The following MRPL54 variants were observed in gnomAD, a reference collection of about 807,000 sequenced individuals.
MRPL54 encodes mitochondrial ribosomal protein L54.
In MRPL54, 12 loss-of-function variants were observed where a neutral mutation model predicts 15.6. That is an observed-to-expected ratio of 0.77 (90% CI 0.49 to 1.24). MRPL54 has a LOEUF of 1.24. Among genes scored for constraint, MRPL54 ranks in the 50% most tolerant of loss-of-function variants. MRPL54 has a pLI of 0.00. For synonymous variants in MRPL54, 91 were observed against 75.7 expected (o/e 1.20, Z -1.05); for missense variants, 178 against 186.8 (o/e 0.95, Z 0.28).
chr19:3,763,911 C>T (rs1172074396), intron 1 of MRPL54, among the ~76,000 whole-genome samples: 1 of 149,318 alleles, frequency 6.7e-6, no homozygotes, highest in African/African-American at 2.5e-5. Context: ...GACTCTGTCT[C>T]AAAATAAATA....
chr19:3,763,843 C>T (rs1394511144), intron 1 of MRPL54, among the ~76,000 whole-genome samples: 3 of 151,444 alleles, frequency 2.0e-5, no homozygotes, highest in Admixed American at 6.6e-5. Flanking sequence ...ACCCAGGAGG[C>T]GGAGGTTGCA....
At chr19:3,766,015 G>A (rs1183557021) in intron 2 of MRPL54, among the ~76,000 whole-genome samples, 2 of 151,450 alleles carry the variant, frequency 1.3e-5, no homozygotes, top group East Asian at 1.9e-4. Context: ...GGGTTCAAGC[G>A]GTTCTCCTGC....
chr19:3,765,227 C>A lies in MRPL54; in HGVS notation c.180C>A (p.Asp60Glu), dbSNP rs755484715. The A allele has an allele frequency of 2.5e-6, 4 of 1,613,884 alleles. No individual in the cohort carries two copies. The highest frequency in any genetic ancestry group is 3.4e-6 in the Non-Finnish European group (4 of 1,179,944). Residue 60 changes from aspartate (D) to glutamate (E), a missense_variant, in exon 2 of 3, where the codon GAC (aspartate) becomes GAA (glutamate). Transcript: ENST00000330133. ...AVTSEALKDPDVCTDPVQLTT... is the reference protein window; with the variant it reads ...AVTSEALKDPEVCTDPVQLTT... ...CCAGCGAGGCCCTCAAGGACCCCGA[C>A]GTATGCACAGATCCTGTCCAGCTCA...
intron 1 of MRPL54, among the ~76,000 whole-genome samples, chr19:3,764,686 G>A (rs534981851): frequency 2.0e-5 from 3 of 151,262 alleles, no homozygotes; most frequent in South Asian, 4.2e-4. Flanking sequence ...AGAGTGCTGG[G>A]ATTACAGGCA....
At chr19:3,765,094 G>A in intron 1 of MRPL54, 72 bp from the exon 2 acceptor site, 2 of 1,505,428 alleles carry the variant, frequency 1.3e-6, no homozygotes, top group South Asian at 2.5e-5. Flanking sequence ...ACCTGAGACA[G>A]GGTTCTGTGA....
rs1489492158 is a variant in MRPL54, at chr19:3,767,419, C to T, written c.*26C>T. ...CATGGAGGGCCCGGCATCGCTGACC[C>T]CCACGCCGAGGGCTTGCCGTTTTCC... On this transcript the variant is annotated 3_prime_UTR_variant, in exon 3 of 3. Coordinates refer to ENST00000330133, the MANE Select transcript of MRPL54 (RefSeq NM_172251.3). 11 of 1,601,606 alleles carry T rather than the reference C, an allele frequency of 6.9e-6. No individual in the cohort carries two copies. The highest frequency in any genetic ancestry group is 2.3e-5 in the East Asian group (1 of 43,810).
intron 1 of MRPL54, 93 bp from the exon 2 acceptor site, chr19:3,765,073 G>C: frequency 1.5e-6 from 2 of 1,351,796 alleles, no homozygotes; most frequent in South Asian, 2.9e-5. Context: ...GTCCAGCCAG[G>C]GGCAGAGGCC....
intron 1 of MRPL54, among the ~76,000 whole-genome samples, chr19:3,764,502 G>T (rs1599181342): frequency 6.6e-6 from 1 of 151,648 alleles, no homozygotes; most frequent in Non-Finnish European, 1.5e-5. Context: ...CCGCCTCCCG[G>T]GTTCAAGTGA....
chr19:3,763,912 AAAATAAAT>A (rs1478772489), intron 1 of MRPL54, among the ~76,000 whole-genome samples: 1 of 150,006 alleles, frequency 6.7e-6, no homozygotes, highest in Non-Finnish European at 1.5e-5. Flanking sequence ...ACTCTGTCTC[AAAATAAAT>A]AAATAAATAA....
In MRPL54 at chr19:3,762,752, G is replaced by A. The variant is rs200308520; in HGVS notation, c.52G>A (p.Ala18Thr). The change falls in exon 1 of 3, where the codon GCC becomes ACC. Residue 18 changes from alanine to threonine, a missense_variant. Coordinates refer to ENST00000330133, the MANE Select transcript of MRPL54 (RefSeq NM_172251.3). ...TACCCGGACGTGGGCCGGCTGGGGG[G>A]CCTGGGAGCTCCTAAACCCCGCCAC... ...GATRTWAGWG[A>T]WELLNPATSG... 20 of 1,610,560 alleles carry A rather than the reference G, an allele frequency of 1.2e-5. No homozygotes were observed. Among genetic ancestry groups the A allele is most frequent in the African/African-American group, 8.0e-5 (6 of 74,796 alleles).
At chr19:3,763,149 G>A (rs562132399) in intron 1 of MRPL54, among the ~76,000 whole-genome samples, 3 of 152,372 alleles carry the variant, frequency 2.0e-5, no homozygotes, top group Admixed American at 2.0e-4. Context: ...GGGAGGTCAT[G>A]AACTTGGGTT....
rs958419395 is a variant in MRPL54 at position 3,762,866 on chromosome 19, G to T, written c.118+48G>T. 32 of 1,391,722 alleles carry T rather than the reference G, an allele frequency of 2.3e-5. 1 individual carries two copies. The highest frequency in any genetic ancestry group is 3.1e-5 in the Non-Finnish European group (32 of 1,023,944). 86.2% of individuals were successfully genotyped at this position (1,391,722 alleles called of 1,614,324 possible). A position where few individuals can be genotyped will look rare whatever the true frequency, so the allele number is the denominator to read the frequency against. On this transcript the variant is annotated intron_variant, in intron 1 of 2. Coordinates refer to ENST00000330133, the MANE Select transcript of MRPL54 (RefSeq NM_172251.3). The stretch of plus-strand genomic sequence containing the variant: ...AAATGGGGACGGTGGGTGCACTGAG[G>T]AATTGACAGTGCGCAGGCGGTGGTT...
At chr19:3,765,038 AAAAG>A (rs1036131862) in intron 1 of MRPL54, 124 bp from the exon 2 acceptor site, 50 of 1,009,790 alleles carry the variant, frequency 5.0e-5, no homozygotes, top group Non-Finnish European at 6.5e-5. Flanking sequence ...AAAAAAAAAA[AAAAG>A]AAAGTTTTGA....
chr19:3,765,463 G>C, intron 2 of MRPL54, 132 bp downstream of exon 2: 1 of 961,538 alleles, frequency 1.0e-6, no homozygotes, highest in Non-Finnish European at 1.5e-6. Flanking sequence ...TGGCTTTAGG[G>C]CAGGGGGCTT....
chr19:3,764,888 C>T (rs1286013850), intron 1 of MRPL54, among the ~76,000 whole-genome samples: 4 of 151,678 alleles, frequency 2.6e-5, no homozygotes, highest in Non-Finnish European at 5.9e-5. Context: ...ATTAGCTGGG[C>T]GTGGTGGTGG....
Position 3,762,762 on chromosome 19 carries a change from T to C in MRPL54, c.62T>C (p.Leu21Pro). The C allele has an allele frequency of 6.2e-7, 1 of 1,608,904 alleles. No individual in the cohort carries two copies. Among genetic ancestry groups the C allele is most frequent in the Non-Finnish European group, 8.5e-7 (1 of 1,177,808 alleles). ...RTWAGWGAWE[L>P]LNPATSGRLL... ...TGGGCCGGCTGGGGGGCCTGGGAGC[T>C]CCTAAACCCCGCCACTTCCGGAAGA... The change falls in exon 1 of 3, where the codon CTC becomes CCC. Residue 21 changes from leucine to proline, a missense_variant. Transcript: ENST00000330133.
chr19:3,765,733 A>G (rs1040712327), intron 2 of MRPL54, among the ~76,000 whole-genome samples: 2 of 151,830 alleles, frequency 1.3e-5, no homozygotes, highest in Admixed American at 6.6e-5. Context: ...CCTCGTCTCT[A>G]CTAAAAATAT....
intron 1 of MRPL54, among the ~76,000 whole-genome samples, chr19:3,763,896 A>T (rs1018762029): frequency 1.5e-4 from 22 of 150,062 alleles, no homozygotes; most frequent in South Asian, 6.4e-4. Context: ...TGGGCGACAC[A>T]GTGAGACTCT....
In MRPL54 at chr19:3,765,302, C is replaced by T. The variant is rs2037188774; in HGVS notation, c.255C>T (p.Pro85=). The T allele has an allele frequency of 6.2e-7, 1 of 1,613,912 alleles. No homozygotes were observed. The highest frequency in any genetic ancestry group is 1.1e-5 in the South Asian group (1 of 91,044). ...TCTACAAGGAAGGGCAGGATGTACC[C>T]CTGAAACCGGATGCTGAGTACCCTG... ...VNIYKEGQDV[P]LKPDAEYPEW... The change falls in exon 2 of 3, where the codon CCC becomes CCT. Residue 85 remains proline, a synonymous_variant. Transcript: ENST00000330133.
Sources: gnomAD v4.1 joint callset for allele counts (sites outside exome capture counted in the v4.1 genomes callset) on GRCh38, gnomAD v4.1.1 for gene constraint, MANE v1.5 for transcripts, NCBI Gene and HGNC (gene_info 2026-07-23, HGNC 2026-07-21) for gene names.